CPNE8: variants seen among roughly 807,000 people sequenced by gnomAD.
CPNE8 encodes the protein copine 8, also known as copine-8.
A neutral mutation model predicts 81.5 loss-of-function variants in CPNE8; 45 were observed. That is an observed-to-expected ratio of 0.55 (90% CI 0.44 to 0.71). The LOEUF (loss-of-function observed/expected upper bound fraction) is 0.71, where lower values mean the gene tolerates loss of function less well. CPNE8 is among the 30% of genes least tolerant of loss of function. The pLI, the probability that CPNE8 is intolerant of heterozygous loss-of-function variation, is 0.00. For missense variants in CPNE8, 594 were observed against 672.1 expected (o/e 0.88, Z 1.28); for synonymous variants, 252 against 226.3 (o/e 1.11, Z -1.02).
In CPNE8 at chr12:38,776,218, C is replaced by A; in HGVS notation, c.471+20G>T. The A allele has an allele frequency of 7.1e-7, 1 of 1,405,466 alleles. No homozygotes were observed. Among genetic ancestry groups the A allele is most frequent in the Admixed American group, 1.9e-5 (1 of 52,940 alleles). 87.1% of individuals were successfully genotyped at this position (1,405,466 alleles called of 1,614,324 possible). On this transcript the variant is annotated intron_variant, in intron 7 of 19. Transcript: ENST00000331366. Reference sequence around the variant, plus strand: ...TTGAAGTATGGAAGTATTTTCTAAACCAAAGAAATATTTACTTACCCTGCA... The same window carrying A: ...TTGAAGTATGGAAGTATTTTCTAAAACAAAGAAATATTTACTTACCCTGCA...
chr12:38,795,867 G>GGATGGATAGATAGATA (rs150549824), intron 6 of CPNE8, among the ~76,000 whole-genome samples: 110 of 148,256 alleles, frequency 7.4e-4, no homozygotes, highest in African/African-American at 2.2e-3. Flanking sequence ...ATGGATGGAT[G>GGATGGATAGATAGATA]GATAGATAGA....
intron 6 of CPNE8, among the ~76,000 whole-genome samples, chr12:38,805,728 A>G (rs1275624328): frequency 4.7e-5 from 7 of 148,288 alleles, no homozygotes; most frequent in Non-Finnish European, 1.0e-4. Flanking sequence ...TTCAAAAGCT[A>G]GCAGAAGGCA....
At chr12:38,768,185 A>T (rs2136869550) in intron 7 of CPNE8, among the ~76,000 whole-genome samples, 1 of 151,958 alleles carries the variant, frequency 6.6e-6, no homozygotes, top group East Asian at 1.9e-4. Flanking sequence ...GATGGGGAAT[A>T]AGAAAGATAA....
At chr12:38,699,623 A>G (rs1305430302) in intron 14 of CPNE8, among the ~76,000 whole-genome samples, 1 of 150,162 alleles carries the variant, frequency 6.7e-6, no homozygotes, top group Non-Finnish European at 1.5e-5. Flanking sequence ...GTGGCTGCAT[A>G]GTGTTTCATT....
intron 8 of CPNE8, among the ~76,000 whole-genome samples, chr12:38,762,628 C>T (rs941864836): frequency 6.6e-6 from 1 of 152,058 alleles, no homozygotes; most frequent in South Asian, 2.1e-4. Context: ...GAAACTGAGG[C>T]ACAGTGTGTG....
intron 10 of CPNE8, among the ~76,000 whole-genome samples, chr12:38,746,029 G>C (rs762969001): frequency 1.3e-5 from 2 of 152,104 alleles, no homozygotes; most frequent in East Asian, 3.9e-4. Context: ...CATACCTCCA[G>C]TTAAAACCAC....
At chr12:38,823,714 A>G (rs566268964) in intron 6 of CPNE8, among the ~76,000 whole-genome samples, 1 of 152,286 alleles carries the variant, frequency 6.6e-6, no homozygotes, top group East Asian at 1.9e-4. Flanking sequence ...TACTTGAGGA[A>G]CATAATAAAT....
chr12:38,784,004 C>T (rs117076140), intron 6 of CPNE8, among the ~76,000 whole-genome samples: 2,217 of 152,200 alleles, frequency 0.015, 20 homozygotes, highest in South Asian at 0.024. Context: ...AAAACATGAC[C>T]TTAACAAATG....
chr12:38,675,225 A>G (rs1238685361), intron 18 of CPNE8, among the ~76,000 whole-genome samples: 1 of 152,182 alleles, frequency 6.6e-6, no homozygotes, highest in Non-Finnish European at 1.5e-5. Flanking sequence ...TTCTTTATTT[A>G]TAAGGCTAAT....
At chr12:38,686,640 CT>C (rs1164656263) in intron 15 of CPNE8, among the ~76,000 whole-genome samples, 4 of 152,176 alleles carry the variant, frequency 2.6e-5, no homozygotes, top group African/African-American at 7.2e-5. Flanking sequence ...ACGGTGGTTC[CT>C]GAGCAGGATC....
intron 3 of CPNE8, among the ~76,000 whole-genome samples, chr12:38,857,153 A>T (rs1274987765): frequency 1.3e-5 from 2 of 152,170 alleles, no homozygotes; most frequent in Non-Finnish European, 2.9e-5. Context: ...CATATAGCAA[A>T]ACCCTATCAC....
chr12:38,707,201 C>T, intron 13 of CPNE8, among the ~76,000 whole-genome samples: 1 of 151,978 alleles, frequency 6.6e-6, no homozygotes, highest in Middle Eastern at 3.2e-3. Context: ...GGAGTCCAAG[C>T]TACTTAGGAG....
chr12:38,697,185 C>T (rs143138997), intron 14 of CPNE8, among the ~76,000 whole-genome samples: 1,625 of 152,292 alleles, frequency 0.011, 33 homozygotes, highest in African/African-American at 0.036. Flanking sequence ...AGTTACCACC[C>T]TAGCCCTAAA....
intron 13 of CPNE8, among the ~76,000 whole-genome samples, chr12:38,717,691 A>AT (rs1940440481): frequency 6.6e-6 from 1 of 151,568 alleles, no homozygotes; most frequent in South Asian, 2.1e-4. Flanking sequence ...GAGGGATTAA[A>AT]TACTACATAT....
At chr12:38,776,909 T>G (rs1047193159) in intron 6 of CPNE8, among the ~76,000 whole-genome samples, 1 of 152,160 alleles carries the variant, frequency 6.6e-6, no homozygotes, top group Non-Finnish European at 1.5e-5. Context: ...ATACAAAGTA[T>G]GTATGTACAG....
chr12:38,674,043 A>G (rs917621048), intron 18 of CPNE8, among the ~76,000 whole-genome samples: 16 of 152,136 alleles, frequency 1.1e-4, no homozygotes, highest in African/African-American at 2.4e-4. Flanking sequence ...ATTCTTGCAT[A>G]TATTTTTTTC....
At chr12:38,765,197 G>A (rs1180086018) in intron 8 of CPNE8, among the ~76,000 whole-genome samples, 1 of 152,082 alleles carries the variant, frequency 6.6e-6, no homozygotes, top group African/African-American at 2.4e-5. Flanking sequence ...TCCAGTGCTG[G>A]TGTAACTCAT....
chr12:38,735,682 A>T (rs2136777905), intron 10 of CPNE8, among the ~76,000 whole-genome samples: 1 of 152,154 alleles, frequency 6.6e-6, no homozygotes. Context: ...TAACTTCTTC[A>T]AATCCTGATA....
chr12:38,754,417 G>A (rs549979893), intron 10 of CPNE8, among the ~76,000 whole-genome samples: 29 of 151,698 alleles, frequency 1.9e-4, no homozygotes, highest in Admixed American at 1.4e-3. Flanking sequence ...GTAGGCAGGT[G>A]GATATATATT....
Sources: gnomAD v4.1 joint callset for allele counts (sites outside exome capture counted in the v4.1 genomes callset) on GRCh38, gnomAD v4.1.1 for gene constraint, MANE v1.5 for transcripts, NCBI Gene and HGNC (gene_info 2026-07-23, HGNC 2026-07-21) for gene names.